Variants in SETD3 observed in about 807,000 individuals in gnomAD.
The protein encoded by SETD3 is SET domain containing 3, actin N3(tau)-histidine methyltransferase, also known as actin-histidine N-methyltransferase.
In SETD3, 19 loss-of-function variants were observed where a neutral mutation model predicts 63.0. The observed-to-expected ratio is 0.30, with a 90% CI of 0.21 to 0.44. The LOEUF (loss-of-function observed/expected upper bound fraction) is 0.44. SETD3 is among the 20% of genes least tolerant of loss of function. SETD3 has a pLI of 1.00. For missense variants in SETD3, 587 were observed against 728.5 expected, an observed-to-expected ratio of 0.81 and a Z score of 2.24; for synonymous variants, 286 against 264.1, an observed-to-expected ratio of 1.08 and a Z score of -0.80.
chr14:99,476,947 T>C (rs1315005478), intron 1 of SETD3, among the ~76,000 whole-genome samples: 1 of 152,034 alleles, frequency 6.6e-6, no homozygotes, highest in African/African-American at 2.4e-5. Flanking sequence ...CTCTAGACAA[T>C]TTTTTTTGTC....
At chr14:99,474,382 A>T (rs1469402585) in intron 1 of SETD3, among the ~76,000 whole-genome samples, 1 of 152,192 alleles carries the variant, frequency 6.6e-6, no homozygotes, top group Non-Finnish European at 1.5e-5. Flanking sequence ...ATTCAAAAGT[A>T]CCAAGAAGTC....
chr14:99,468,642 T>TC (rs11406423), intron 1 of SETD3, among the ~76,000 whole-genome samples: 63,602 of 151,838 alleles, frequency 0.42, 13,816 homozygotes, highest in East Asian at 0.56. Context: ...TATCTCTGCC[T>TC]CCCCGTTCAC....
At chr14:99,442,713 T>C (rs1893895526) in intron 6 of SETD3, among the ~76,000 whole-genome samples, 1 of 152,246 alleles carries the variant, frequency 6.6e-6, no homozygotes, top group South Asian at 2.1e-4. Flanking sequence ...AGACAACATA[T>C]GTGTTAATCA....
At chr14:99,448,646 C>T (rs115092704) in intron 6 of SETD3, among the ~76,000 whole-genome samples, 137 of 152,260 alleles carry the variant, frequency 9.0e-4, no homozygotes, top group African/African-American at 3.2e-3. Context: ...TGAAACTGAC[C>T]GCCTTGTACC....
At chr14:99,483,117 T>C (rs1896395803), upstream of SETD3, among the ~76,000 whole-genome samples, 1 of 152,216 alleles carries the variant, frequency 6.6e-6, no homozygotes, top group African/African-American at 2.4e-5. Flanking sequence ...TGTTTTCACA[T>C]AGAACCATTC....
At chr14:99,440,574 G>C (rs1365583541) in intron 6 of SETD3, among the ~76,000 whole-genome samples, 9 of 152,150 alleles carry the variant, frequency 5.9e-5, no homozygotes, top group Admixed American at 5.9e-4. Context: ...ACTGCGGTCA[G>C]TGAGCCCTGG....
At chr14:99,453,273 T>C (rs1894567307) in intron 6 of SETD3, among the ~76,000 whole-genome samples, 1 of 152,236 alleles carries the variant, frequency 6.6e-6, no homozygotes, top group South Asian at 2.1e-4. Flanking sequence ...ATGCAATGTT[T>C]ACATTTGTGT....
chr14:99,402,403 T>C (rs1325548071), intron 11 of SETD3, among the ~76,000 whole-genome samples: 1 of 152,196 alleles, frequency 6.6e-6, no homozygotes, highest in Non-Finnish European at 1.5e-5. Context: ...TTATCCTCTT[T>C]GGGTTTTTTG....
At chr14:99,446,575 A>C (rs1894140907) in intron 6 of SETD3, among the ~76,000 whole-genome samples, 1 of 151,830 alleles carries the variant, frequency 6.6e-6, no homozygotes, top group South Asian at 2.1e-4. Context: ...GGGTGCCTCT[A>C]CTCCCATGCA....
chr14:99,402,406 GTTTT>G (rs1232211043), intron 11 of SETD3, among the ~76,000 whole-genome samples: 1 of 152,154 alleles, frequency 6.6e-6, no homozygotes, highest in African/African-American at 2.4e-5. Context: ...TCCTCTTTGG[GTTTT>G]TTGTTAGTTT....
chr14:99,441,888 C>T, intron 6 of SETD3, among the ~76,000 whole-genome samples: 1 of 152,330 alleles, frequency 6.6e-6, no homozygotes, highest in Non-Finnish European at 1.5e-5. Context: ...GTCAAGAGCA[C>T]AGGGACCCTT....
At chr14:99,469,892 C>G (rs1163673503) in intron 1 of SETD3, among the ~76,000 whole-genome samples, 1 of 152,252 alleles carries the variant, frequency 6.6e-6, no homozygotes, top group Non-Finnish European at 1.5e-5. Context: ...GTCCTTCCCC[C>G]AGTAGCCCAC....
Position 99,405,253 on chromosome 14 carries a change from C to T in SETD3, c.1043G>A (p.Arg348Lys). Residue 348 changes from arginine (R) to lysine (K), a missense_variant, in exon 10 of 13, where the codon AGA becomes AAA. Physicochemically the swap from Arg to Lys is conservative, Grantham distance 26 (BLOSUM62 2). Transcript: ENST00000331768. ...GACCTCGGCCTTCATGGCGTAGAGT[C>T]TGTCACTTTTACTCACTCCAAGCTT... ...KIKLGVSKSD[R>K]LYAMKAEVLA... 6.2e-7 allele frequency: 1 copy of T among 1,614,164 alleles called. No individual in the cohort carries two copies. Among genetic ancestry groups the T allele is most frequent in the Non-Finnish European group, 8.5e-7 (1 of 1,180,008 alleles).
chr14:99,408,115 G>A (rs1222312742), intron 8 of SETD3, among the ~76,000 whole-genome samples: 1 of 152,164 alleles, frequency 6.6e-6, no homozygotes, highest in Non-Finnish European at 1.5e-5. Context: ...CAATAGCTTG[G>A]ATTCAAAAGA....
At chr14:99,482,767 C>T (rs530107981), upstream of SETD3, among the ~76,000 whole-genome samples, 6 of 152,262 alleles carry the variant, frequency 3.9e-5, no homozygotes, top group East Asian at 9.7e-4. Flanking sequence ...AATGCTGTTT[C>T]TAAAATTGAA....
intron 4 of SETD3, among the ~76,000 whole-genome samples, chr14:99,459,960 C>G (rs796868576): frequency 7.2e-5 from 11 of 152,314 alleles, no homozygotes; most frequent in African/African-American, 2.6e-4. Context: ...TCCTCCCCAA[C>G]CCTCGCCTCC....
At chr14:99,462,381 T>C (rs754347693) in intron 3 of SETD3, among the ~76,000 whole-genome samples, 10 of 152,330 alleles carry the variant, frequency 6.6e-5, no homozygotes, top group Non-Finnish European at 1.3e-4. Flanking sequence ...GTGTGGCACA[T>C]AGCTCAGGCG....
chr14:99,469,167 C>T (rs1270426094), intron 1 of SETD3, among the ~76,000 whole-genome samples: 1 of 152,138 alleles, frequency 6.6e-6, no homozygotes, highest in Non-Finnish European at 1.5e-5. Flanking sequence ...CTTTTTTAAG[C>T]CAGAAAACTG....
intron 8 of SETD3, among the ~76,000 whole-genome samples, chr14:99,410,557 C>T (rs376649730): frequency 6.6e-6 from 1 of 152,054 alleles, no homozygotes; most frequent in African/African-American, 2.4e-5. Flanking sequence ...TCATATCAAC[C>T]GAAAAATCCT....
Sources: gnomAD v4.1 joint callset for allele counts (sites outside exome capture counted in the v4.1 genomes callset) on GRCh38, gnomAD v4.1.1 for gene constraint, MANE v1.5 for transcripts, NCBI Gene and HGNC (gene_info 2026-07-23, HGNC 2026-07-21) for gene names.